MCMBP: variants seen among roughly 807,000 people sequenced by gnomAD.
MCMBP encodes the protein minichromosome maintenance complex binding protein, also known as mini-chromosome maintenance complex-binding protein.
A neutral mutation model predicts 81.3 loss-of-function variants in MCMBP; 31 were observed. That is an observed-to-expected ratio of 0.38 (90% CI 0.29 to 0.51). MCMBP has a LOEUF of 0.51. Among genes scored for constraint, MCMBP ranks in the 20% least tolerant of loss-of-function variants. MCMBP has a pLI of 0.87. For synonymous variants in MCMBP, 267 were observed against 275.9 expected, an observed-to-expected ratio of 0.97 and a Z score of 0.32; for missense variants, 645 against 772.1, an observed-to-expected ratio of 0.84 and a Z score of 1.95.
intron 6 of MCMBP, 63 bp downstream of exon 6, chr10:119,852,987 A>C (rs1459162703): frequency 1.9e-6 from 3 of 1,579,894 alleles, no homozygotes; most frequent in Non-Finnish European, 2.6e-6. Context: ...GTAACAATTC[A>C]CTCTGAAAAC....
chr10:119,841,521 T>C (rs975594939), intron 10 of MCMBP, among the ~76,000 whole-genome samples: 2 of 152,240 alleles, frequency 1.3e-5, no homozygotes, highest in Admixed American at 1.3e-4. Context: ...ACAAAGTTCA[T>C]GAAGCATTAT....
At chr10:119,869,168 G>T (rs577156550) in intron 1 of MCMBP, among the ~76,000 whole-genome samples, 1 of 152,204 alleles carries the variant, frequency 6.6e-6, no homozygotes. Context: ...GGTCTGGGTC[G>T]GGCGCGGTGG....
At chr10:119,857,234 A>G in intron 5 of MCMBP, 104 bp downstream of exon 5, 1 of 789,204 alleles carries the variant, frequency 1.3e-6, no homozygotes, top group Non-Finnish European at 2.0e-6. Flanking sequence ...GAACAAATGA[A>G]ACACACTTTA....
intron 5 of MCMBP, among the ~76,000 whole-genome samples, chr10:119,856,750 C>T (rs2456709): frequency 0.51 from 77,718 of 152,048 alleles, 20,105 homozygotes; most frequent in East Asian, 0.63. Flanking sequence ...AGAGCCAACA[C>T]GTTGTCTTCC....
chr10:119,870,916 T>C (rs1853647752), intron 1 of MCMBP, among the ~76,000 whole-genome samples: 1 of 152,214 alleles, frequency 6.6e-6, no homozygotes, highest in South Asian at 2.1e-4. Context: ...ACTCTGAAGC[T>C]ATTATTTTAT....
At chr10:119,847,193 G>C (rs181850485) in intron 8 of MCMBP, among the ~76,000 whole-genome samples, 1 of 152,128 alleles carries the variant, frequency 6.6e-6, no homozygotes, top group African/African-American at 2.4e-5. Flanking sequence ...GAGAATGAGC[G>C]AGCTTCTGAA....
Position 119,843,159 on chromosome 10 carries a change from T to C in MCMBP, c.1000+95A>G, listed in dbSNP as rs779110464. ...ACACTTATTGTGAGGAATGAAGACC[T>C]GACTCTCAATTCCACTATGAGCACG... is the stretch of plus-strand genomic sequence containing the variant. On this transcript the variant is annotated intron_variant, in intron 9 of 15. Coordinates refer to ENST00000369077, the MANE Select transcript of MCMBP (RefSeq NM_001256378.2). The C allele has an allele frequency of 2.2e-6, 3 of 1,353,490 alleles. No individual in the cohort carries two copies. The South Asian group carries it at 3.5e-5, about 16-fold the overall frequency. The allele number at this position is 1,353,490 out of a possible 1,614,324, so 83.8% of individuals were successfully genotyped here. A position where few individuals can be genotyped will look rare whatever the true frequency, so the allele number is the denominator to read the frequency against.
intron 12 of MCMBP, among the ~76,000 whole-genome samples, chr10:119,837,436 CT>C (rs770317829): frequency 2.0e-5 from 3 of 152,104 alleles, no homozygotes; most frequent in Non-Finnish European, 4.4e-5. Context: ...CTCATTTTTT[CT>C]TCTACCTTTA....
At position 119,830,688 on chromosome 10, in the gene MCMBP, A is replaced by ACATT. The variant is rs1480316793; in HGVS notation, c.*782_*785dup. On this transcript the variant is annotated 3_prime_UTR_variant, in exon 16 of 16. Coordinates refer to ENST00000369077, the MANE Select transcript of MCMBP (RefSeq NM_001256378.2). ...TTGGTTTCTTTTGCCCCCAAAAGCCACATTCATTCCGTTTAAAGGACTCCT... is the reference window on the plus strand; with the variant it reads ...TTGGTTTCTTTTGCCCCCAAAAGCCACATTCATTCATTCCGTTTAAAGGACTCCT... The ACATT allele has an allele frequency of 2.0e-5, 3 of 152,638 alleles. No individual in the cohort carries two copies. The highest frequency in any genetic ancestry group is 7.2e-5 in the African/African-American group (3 of 41,454). The allele number at this position is 152,638 out of a possible 1,614,324, so 9.5% of individuals were successfully genotyped here. A position where few individuals can be genotyped will look rare whatever the true frequency, so the allele number is the denominator to read the frequency against.
rs1487764967 is a variant in MCMBP, at chr10:119,868,963, C to CTTTA, written c.58+3563_58+3564insTAAA. Among the ~76,000 whole-genome samples the CTTTA allele has an allele frequency of 2.0e-5, 3 of 152,264 alleles. No individual in the cohort carries two copies. In the East Asian group the frequency reaches 5.8e-4, roughly 29 times the overall value. Reference sequence around the variant, plus strand: ...CAGAGCAAGGCAAGGGTGGAGCCAACAAGGGCCTCATAAACCACTTTAAAA... The same window carrying CTTTA: ...CAGAGCAAGGCAAGGGTGGAGCCAACTTTAAAGGGCCTCATAAACCACTTTAAAA... On this transcript the variant is annotated intron_variant, in intron 1 of 15. Coordinates refer to ENST00000369077, the MANE Select transcript of MCMBP (RefSeq NM_001256378.2).
In MCMBP at chr10:119,853,009, A is replaced by G. The variant is rs369956628; in HGVS notation, c.574+41T>C. ...TTCACTCTGAAAACCAATCTACTGT[A>G]AGAGAGCAAAGTCTAGAGAAAACCT... is the stretch of plus-strand genomic sequence containing the variant. On this transcript the variant is annotated intron_variant, in intron 6 of 15. Transcript: ENST00000369077. 5.0e-6 allele frequency: 8 copies of G among 1,609,052 alleles called. No individual in the cohort carries two copies. In the African/African-American group the frequency reaches 1.1e-4, roughly 22 times the overall value.
In MCMBP at chr10:119,842,478, G is replaced by A; in HGVS notation, c.1118C>T (p.Ser373Phe). The A allele has an allele frequency of 6.2e-7, 1 of 1,613,062 alleles. No individual in the cohort carries two copies. The change falls in exon 10 of 16, where the codon TCC (serine) becomes TTC (phenylalanine). Residue 373 changes from serine to phenylalanine, a missense_variant. Physicochemically the swap from Ser to Phe is radical, Grantham distance 155. Transcript: ENST00000369077. ...ACCAGGATACAGCACTTACACTGTG[G>A]AGATGAGATGTAATATAAGGTATTC... is the stretch of plus-strand genomic sequence containing the variant. Reference protein sequence around the residue: ...AAEYLILHLISTVYTRRDVLP... With the variant: ...AAEYLILHLIFTVYTRRDVLP...
intron 1 of MCMBP, among the ~76,000 whole-genome samples, chr10:119,868,822 A>C (rs901032351): frequency 5.9e-5 from 9 of 152,212 alleles, no homozygotes; most frequent in African/African-American, 2.2e-4. Flanking sequence ...GGAATCAGGC[A>C]CAAGAAATCA....
At chr10:119,836,205 GTTAC>G (rs1269573650) in intron 13 of MCMBP, among the ~76,000 whole-genome samples, 3 of 152,074 alleles carry the variant, frequency 2.0e-5, no homozygotes, top group African/African-American at 7.2e-5. Flanking sequence ...CTTTTTCTTG[GTTAC>G]TTATGTTTCC....
At chr10:119,835,790 C>T (rs1417102492) in intron 13 of MCMBP, 86 bp from the exon 14 acceptor site, 3 of 1,384,406 alleles carry the variant, frequency 2.2e-6, no homozygotes, top group African/African-American at 1.5e-5. Context: ...TCTGTCAGCC[C>T]CTATGGGAAT....
intron 1 of MCMBP, among the ~76,000 whole-genome samples, chr10:119,868,242 A>G (rs552818964): frequency 1.3e-5 from 2 of 152,294 alleles, no homozygotes; most frequent in South Asian, 4.1e-4. Flanking sequence ...CCTGGCCAAC[A>G]TGGCAAAACC....
intron 7 of MCMBP, among the ~76,000 whole-genome samples, chr10:119,848,800 A>G (rs12780863): frequency 0.052 from 7,922 of 152,258 alleles, 338 homozygotes; most frequent in South Asian, 0.19. Context: ...TATTTTAAAT[A>G]TAAGTGAAAA....
intron 1 of MCMBP, among the ~76,000 whole-genome samples, chr10:119,871,372 T>C (rs1224735257): frequency 6.6e-6 from 1 of 152,012 alleles, no homozygotes; most frequent in African/African-American, 2.4e-5. Flanking sequence ...ATGAAGGTAG[T>C]TTTAAATTTC....
chr10:119,832,528 A>G (rs1159549705), intron 14 of MCMBP, among the ~76,000 whole-genome samples: 1 of 152,170 alleles, frequency 6.6e-6, no homozygotes, highest in Non-Finnish European at 1.5e-5. Flanking sequence ...GCCTGGCAGC[A>G]TTTTAACATG....
Sources: allele counts gnomAD v4.1 joint callset (sites outside exome capture counted in the v4.1 genomes callset), GRCh38; gene constraint gnomAD v4.1.1; transcripts MANE v1.5; gene names NCBI Gene and HGNC (gene_info 2026-07-23, HGNC 2026-07-21).